Variants in SYNGR1 observed in about 807,000 individuals in gnomAD.
SYNGR1 encodes the protein synaptogyrin-1.
A neutral mutation model predicts 26.1 loss-of-function variants in SYNGR1; 14 were observed. The observed-to-expected ratio is 0.54, with a 90% CI of 0.35 to 0.84. SYNGR1 has a LOEUF of 0.84. Ranked by LOEUF, SYNGR1 falls within the 40% of genes least tolerant of loss-of-function variation. The pLI is 0.01. For synonymous variants in SYNGR1, 141 were observed against 150.1 expected, an observed-to-expected ratio of 0.94 and a Z score of 0.44; for missense variants, 319 against 332.9, an observed-to-expected ratio of 0.96 and a Z score of 0.33.
intron 1 of SYNGR1, among the ~76,000 whole-genome samples, chr22:39,361,460 C>A (rs920337382): frequency 6.6e-6 from 1 of 151,196 alleles, no homozygotes; most frequent in Admixed American, 6.6e-5. Context: ...CGGGGTCAAC[C>A]GATTCTCCTG....
Position 39,376,258 on chromosome 22 carries a change from T to G in SYNGR1, c.483+61T>G, listed in dbSNP as rs1925278568. ...CCCCTTTCCCCACTGAGCCCCTGGA[T>G]GGGTGGCCTTTCGCTAGCCTGGGAC... is the stretch of plus-strand genomic sequence containing the variant. On this transcript the variant is annotated intron_variant, in intron 3 of 3. Coordinates refer to ENST00000328933, the MANE Select transcript of SYNGR1 (RefSeq NM_004711.5). The G allele has an allele frequency of 4.3e-6, 7 of 1,612,844 alleles. No individual in the cohort carries two copies. In the Admixed American group the frequency reaches 1.2e-4, roughly 27 times the overall value.
rs1247705428 is a variant in SYNGR1, at chr22:39,358,409, A to G, written c.99+8300A>G. 2.0e-5 allele frequency among the ~76,000 whole-genome samples: 3 copies of G among 152,208 alleles called. No homozygotes were observed. In the East Asian group the frequency reaches 5.8e-4, roughly 29 times the overall value. On this transcript the variant is annotated intron_variant, in intron 1 of 3. Transcript: ENST00000328933. ...TGCATTGGCAACCTGCTCAGTTCCA[A>G]AGCTTTGTTCGTCTGCTCGTTGCGA...
At chr22:39,355,240 G>A (rs1312106457) in intron 1 of SYNGR1, among the ~76,000 whole-genome samples, 1 of 152,220 alleles carries the variant, frequency 6.6e-6, no homozygotes, top group Non-Finnish European at 1.5e-5. Flanking sequence ...GGAAGCTGGA[G>A]AGAGGGTCAA....
Position 39,374,211 on chromosome 22 carries a change from C to T in SYNGR1, c.100-105C>T, listed in dbSNP as rs569595643. 1.2e-3 allele frequency: 1,253 copies of T among 1,046,574 alleles called. 3 individuals are homozygous for T. Among genetic ancestry groups the T allele is most frequent in the South Asian group, 3.2e-3 (245 of 77,286 alleles). The allele number at this position is 1,046,574 out of a possible 1,614,324, so 64.8% of individuals were successfully genotyped here. ...TGCCTGCTTAACCCGGGTCTTGTAGCTCACGGAGGGCCAGGCAGCAGGCGA... is the reference window on the plus strand; with the variant it reads ...TGCCTGCTTAACCCGGGTCTTGTAGTTCACGGAGGGCCAGGCAGCAGGCGA... On this transcript the variant is annotated intron_variant, in intron 1 of 3. Transcript: ENST00000328933.
chr22:39,365,492 G>A (rs1449027376), intron 1 of SYNGR1, among the ~76,000 whole-genome samples: 1 of 152,210 alleles, frequency 6.6e-6, no homozygotes, highest in African/African-American at 2.4e-5. Context: ...CCCTGGGCAA[G>A]TCTCTGCTCC....
chr22:39,375,304 GGTTCCCT>G (rs1925227957), intron 2 of SYNGR1: 1 of 156,854 alleles, frequency 6.4e-6, no homozygotes, highest in African/African-American at 2.4e-5. Context: ...AGAGCCTCAG[GGTTCCCT>G]GGCAGTGCCT....
chr22:39,351,652 C>G (rs1923913595), intron 1 of SYNGR1, among the ~76,000 whole-genome samples: 1 of 152,254 alleles, frequency 6.6e-6, no homozygotes. Flanking sequence ...AAGCCACTGG[C>G]TTTGTGAGGG....
chr22:39,369,251 G>A (rs1294776960), intron 1 of SYNGR1, among the ~76,000 whole-genome samples: 1 of 152,192 alleles, frequency 6.6e-6, no homozygotes, highest in Non-Finnish European at 1.5e-5. Flanking sequence ...GTGACTAGCA[G>A]TCCCTGGAGT....
At chr22:39,361,894 A>T (rs1924489266) in intron 1 of SYNGR1, among the ~76,000 whole-genome samples, 1 of 152,062 alleles carries the variant, frequency 6.6e-6, no homozygotes, top group Non-Finnish European at 1.5e-5. Context: ...CCTGGGGTAA[A>T]GAAGGCCCTG....
intron 1 of SYNGR1, among the ~76,000 whole-genome samples, chr22:39,355,933 C>A (rs561732101): frequency 6.6e-6 from 1 of 152,136 alleles, no homozygotes; most frequent in Non-Finnish European, 1.5e-5. Context: ...GCATGAGTAT[C>A]GCTTAAGCCC....
intron 1 of SYNGR1, among the ~76,000 whole-genome samples, chr22:39,363,133 T>C (rs1924568013): frequency 6.6e-6 from 1 of 151,410 alleles, no homozygotes; most frequent in African/African-American, 2.4e-5. Context: ...AAGAGCCGAG[T>C]GTGAATGCCC....
At chr22:39,378,171 C>T (rs908490352) in intron 3 of SYNGR1, 2 of 1,104,044 alleles carry the variant, frequency 1.8e-6, no homozygotes, top group Non-Finnish European at 2.2e-6. Context: ...GCATCCTGGC[C>T]GAGGATGTCA....
rs530522137 is a variant in SYNGR1 at position 39,350,018 on chromosome 22, G to T, written c.8G>T (p.Gly3Val). 7 of 1,346,474 alleles carry T rather than the reference G, an allele frequency of 5.2e-6. No homozygotes were observed. The highest frequency in any genetic ancestry group is 3.6e-5 in the East Asian group (1 of 28,004). 83.4% of individuals were successfully genotyped at this position (1,346,474 alleles called of 1,614,324 possible). ...CGCGCGGGTGCAGCCACGATGGAAGGGGGTGCGTACGGAGCGGGCAAAGCC... is the reference window on the plus strand; with the variant it reads ...CGCGCGGGTGCAGCCACGATGGAAGTGGGTGCGTACGGAGCGGGCAAAGCC... ME[G>V]GAYGAGKAGG... is the part of the protein sequence containing the mutation. Residue 3 changes from glycine (G) to valine (V), a missense_variant, in exon 1 of 4, where the codon GGG becomes GTG. Gly to Val is a moderately radical substitution (Grantham distance 109). Transcript: ENST00000328933. This position sits in a 1 kb window ranked among gnomAD's most constrained non-coding sequence, Gnocchi z 4.3.
intron 1 of SYNGR1, among the ~76,000 whole-genome samples, chr22:39,356,509 G>C (rs897767503): frequency 6.6e-6 from 1 of 152,206 alleles, no homozygotes; most frequent in Non-Finnish European, 1.5e-5. Flanking sequence ...CATGTGGGGA[G>C]TCCCACATGA....
intron 3 of SYNGR1, 139 bp from the exon 4 acceptor site, chr22:39,381,555 CAT>C (rs1925497991): frequency 1.2e-6 from 1 of 837,378 alleles, no homozygotes; most frequent in East Asian, 2.7e-5. Context: ...AGCTTGGTCT[CAT>C]GTTTGGTGCT....
intron 1 of SYNGR1, chr22:39,364,033 C>T (rs1268410474): frequency 2.5e-6 from 3 of 1,183,412 alleles, no homozygotes; most frequent in East Asian, 5.2e-5. Flanking sequence ...GCACAGCTCG[C>T]CCTGAGCCTT....
intron 1 of SYNGR1, among the ~76,000 whole-genome samples, chr22:39,362,888 G>C (rs1478263647): frequency 6.6e-6 from 1 of 152,094 alleles, no homozygotes; most frequent in East Asian, 1.9e-4. Context: ...AGCCTTTCCT[G>C]ACCCTCTCCC....
intron 3 of SYNGR1, chr22:39,379,815 G>T (rs1925439797): frequency 6.6e-6 from 1 of 152,132 alleles, no homozygotes; most frequent in Non-Finnish European, 1.5e-5. Context: ...CCCTGACCTG[G>T]GAAGGGGTAG....
intron 1 of SYNGR1, among the ~76,000 whole-genome samples, chr22:39,368,341 T>C (rs1448630736): frequency 2.0e-5 from 3 of 152,204 alleles, no homozygotes; most frequent in Admixed American, 2.0e-4. Flanking sequence ...GTGGCCACAC[T>C]GGGATTCAGT....
Sources: allele counts gnomAD v4.1 joint callset (sites outside exome capture counted in the v4.1 genomes callset), GRCh38; gene constraint gnomAD v4.1.1; non-coding constraint Gnocchi (gnomAD v3.1); transcripts MANE v1.5; gene names NCBI Gene and HGNC (gene_info 2026-07-23, HGNC 2026-07-21).